CAMKMT: variants seen among roughly 807,000 people sequenced by gnomAD.
The protein encoded by CAMKMT is calmodulin-lysine N-methyltransferase, also known as CaM KMT.
A neutral mutation model predicts 48.0 loss-of-function variants in CAMKMT; 53 were observed. The observed-to-expected ratio is 1.10, with a 90% confidence interval of 0.89 to 1.39. The LOEUF is 1.39. Among genes scored for constraint, CAMKMT ranks in the 40% most tolerant of loss-of-function variants. The pLI is 0.00. For synonymous variants in CAMKMT, 165 were observed against 152.3 expected (o/e 1.08, Z -0.61); for missense variants, 428 against 402.7 (o/e 1.06, Z -0.54).
At chr2:44,555,006 G>C (rs556899409) in intron 3 of CAMKMT, among the ~76,000 whole-genome samples, 41 of 152,242 alleles carry the variant, frequency 2.7e-4, no homozygotes, top group African/African-American at 9.4e-4. Context: ...GGGAAGATAG[G>C]ATGGTTTTGA....
At chr2:44,581,958 C>T (rs537872606) in intron 3 of CAMKMT, among the ~76,000 whole-genome samples, 79 of 152,302 alleles carry the variant, frequency 5.2e-4, no homozygotes, top group Non-Finnish European at 8.8e-4. Flanking sequence ...AAGATCGTGC[C>T]GCTGCACTCC....
At chr2:44,680,713 A>G (rs929077407) in intron 3 of CAMKMT, among the ~76,000 whole-genome samples, 2 of 152,178 alleles carry the variant, frequency 1.3e-5, no homozygotes, top group Non-Finnish European at 2.9e-5. Context: ...ATGCATTAAG[A>G]CCAGGACTCG....
At chr2:44,621,583 G>C (rs548739744) in intron 3 of CAMKMT, among the ~76,000 whole-genome samples, 1 of 152,204 alleles carries the variant, frequency 6.6e-6, no homozygotes, top group South Asian at 2.1e-4. Context: ...GAAGGAATGT[G>C]TTTAGTATGT....
intron 3 of CAMKMT, among the ~76,000 whole-genome samples, chr2:44,701,775 TG>T (rs1199369842): frequency 6.6e-6 from 1 of 152,216 alleles, no homozygotes; most frequent in Admixed American, 6.5e-5. Context: ...TTATAAATAA[TG>T]ATGCAGGTAA....
At chr2:44,684,213 G>A (rs1373626185) in intron 3 of CAMKMT, among the ~76,000 whole-genome samples, 1 of 152,192 alleles carries the variant, frequency 6.6e-6, no homozygotes, top group African/African-American at 2.4e-5. Flanking sequence ...TAGAGACCGT[G>A]ATGACTTCTC....
intron 3 of CAMKMT, among the ~76,000 whole-genome samples, chr2:44,415,670 A>G (rs1217911944): frequency 6.6e-6 from 1 of 152,222 alleles, no homozygotes; most frequent in Non-Finnish European, 1.5e-5. Context: ...AGTTTAGAGA[A>G]GGAATTATAC....
At chr2:44,400,792 G>C (rs1217481132) in intron 3 of CAMKMT, 1 of 151,256 alleles carries the variant, frequency 6.6e-6, no homozygotes, top group Non-Finnish European at 1.5e-5. Context: ...TCGAGAAAGC[G>C]TATTTTTGAA....
intron 6 of CAMKMT, among the ~76,000 whole-genome samples, chr2:44,708,689 T>G (rs1478016735): frequency 6.6e-6 from 1 of 152,144 alleles, no homozygotes; most frequent in African/African-American, 2.4e-5. Flanking sequence ...TTTCATTCAC[T>G]CTGCTTTATT....
At chr2:44,442,618 T>C (rs1385462953) in intron 3 of CAMKMT, among the ~76,000 whole-genome samples, 1 of 152,214 alleles carries the variant, frequency 6.6e-6, no homozygotes, top group Non-Finnish European at 1.5e-5. Flanking sequence ...AGGGCTCCTC[T>C]TAATTCTCTG....
At chr2:44,507,039 C>T (rs562332091) in intron 3 of CAMKMT, among the ~76,000 whole-genome samples, 2 of 150,862 alleles carry the variant, frequency 1.3e-5, no homozygotes, top group Non-Finnish European at 2.9e-5. Flanking sequence ...TATTATTTAC[C>T]TGTTCATTTT....
At chr2:44,724,277 C>T (rs1678654637) in intron 7 of CAMKMT, among the ~76,000 whole-genome samples, 1 of 152,260 alleles carries the variant, frequency 6.6e-6, no homozygotes, top group African/African-American at 2.4e-5. Flanking sequence ...GCAAGATCCC[C>T]TCTCTTAAAA....
At chr2:44,392,559 A>G (rs1681450079) in intron 3 of CAMKMT, among the ~76,000 whole-genome samples, 1 of 152,062 alleles carries the variant, frequency 6.6e-6, no homozygotes, top group South Asian at 2.1e-4. Context: ...GGGCGCCACA[A>G]TCATAATTCT....
At position 44,381,394 on chromosome 2, in the gene CAMKMT, C is replaced by T. The variant is rs1411310647; in HGVS notation, c.311+8506C>T. ...TTATTTCATCCTGATATATGAGAGA[C>T]AGAGAGGGAGAGAGACAGATGCAAG... On this transcript the variant is annotated intron_variant, in intron 2 of 10. Coordinates refer to ENST00000378494, the MANE Select transcript of CAMKMT (RefSeq NM_024766.5). Among the ~76,000 whole-genome samples, 4 of 151,942 alleles carry T rather than the reference C, an allele frequency of 2.6e-5. No individual in the cohort carries two copies. In the East Asian group the frequency reaches 5.8e-4, roughly 22 times the overall value.
At chr2:44,398,537 C>G (rs1485682231) in intron 3 of CAMKMT, among the ~76,000 whole-genome samples, 1 of 147,788 alleles carries the variant, frequency 6.8e-6, no homozygotes, top group Admixed American at 6.8e-5. Flanking sequence ...CTTTGTTTTA[C>G]TTCAGTTTCT....
intron 3 of CAMKMT, chr2:44,631,643 A>AT (rs1672840349): frequency 2.3e-6 from 1 of 432,130 alleles, no homozygotes; most frequent in Admixed American, 4.1e-5. Flanking sequence ...TGGGTCTTGG[A>AT]TTTTGAGCCC....
At chr2:44,498,954 A>T (rs1443372944) in intron 3 of CAMKMT, among the ~76,000 whole-genome samples, 1 of 152,126 alleles carries the variant, frequency 6.6e-6, no homozygotes, top group Non-Finnish European at 1.5e-5. Context: ...ATATAAACAG[A>T]TATCTCCCAT....
chr2:44,446,033 G>A (rs1038001866), intron 3 of CAMKMT, among the ~76,000 whole-genome samples: 1 of 152,000 alleles, frequency 6.6e-6, no homozygotes. Flanking sequence ...CTTCTTTAGA[G>A]GGGGGAATGT....
intron 6 of CAMKMT, among the ~76,000 whole-genome samples, chr2:44,714,440 A>G (rs1410066283): frequency 6.6e-6 from 1 of 152,202 alleles, no homozygotes; most frequent in African/African-American, 2.4e-5. Context: ...GCCAAAGGCC[A>G]TAGCGTAAGT....
chr2:44,547,443 C>T (rs930200773), intron 3 of CAMKMT, among the ~76,000 whole-genome samples: 1 of 152,046 alleles, frequency 6.6e-6, no homozygotes, highest in African/African-American at 2.4e-5. Context: ...TCACCTGAGA[C>T]CGGGAACTTG....
Sources: allele counts gnomAD v4.1 joint callset (sites outside exome capture counted in the v4.1 genomes callset), GRCh38; gene constraint gnomAD v4.1.1; transcripts MANE v1.5; gene names NCBI Gene and HGNC (gene_info 2026-07-23, HGNC 2026-07-21).